Variants in MGST1 observed in about 807,000 individuals in gnomAD.
MGST1 encodes microsomal glutathione S-transferase 1.
MGST1 carries 5 observed loss-of-function variants against 8.9 expected under a neutral mutation model. The observed-to-expected ratio is 0.56, with a 90% CI of 0.29 to 1.19. The LOEUF (loss-of-function observed/expected upper bound fraction) is 1.19. Ranked by LOEUF, MGST1 falls within the 50% of genes most tolerant of loss-of-function variation. The probability of loss-of-function intolerance (pLI) is 0.08; values close to 1 mark genes in which losing one functional copy is unlikely to be tolerated. For missense variants in MGST1, 182 were observed against 187.4 expected (o/e 0.97, Z 0.17); for synonymous variants, 54 against 67.8 (o/e 0.80, Z 1.00).
intron 4 of MGST1, among the ~76,000 whole-genome samples, chr12:16,495,232 G>A (rs10846368): frequency 0.45 from 68,367 of 151,882 alleles, 16,841 homozygotes; most frequent in Non-Finnish European, 0.57. Flanking sequence ...ACCAAATGCT[G>A]TGTTTTCTCA....
At position 16,532,073 on chromosome 12, in the gene MGST1, G is replaced by A. The variant is rs569783096; in HGVS notation, n.483-57455G>A. ...CCAGGCAGTTACTCATGTCCAGGAG[G>A]AAACAGAAGTTCAAGGGCTATATCT... On this transcript the variant is annotated intron_variant and non_coding_transcript_variant, in intron 4 of 4. Transcript: ENST00000538857. 1.7e-4 allele frequency among the ~76,000 whole-genome samples: 26 copies of A among 152,282 alleles called. 1 individual carries two copies. In the South Asian group the frequency reaches 4.4e-3, roughly 25 times the overall value.
At chr12:16,448,864 G>A (rs1001492331) in intron 4 of MGST1, among the ~76,000 whole-genome samples, 3 of 151,910 alleles carry the variant, frequency 2.0e-5, no homozygotes, top group Non-Finnish European at 4.4e-5. Flanking sequence ...AAAGAGTGAA[G>A]TAGGAAACAT....
chr12:16,404,103 G>A (rs1290543592), intron 1 of MGST1, among the ~76,000 whole-genome samples: 5 of 152,094 alleles, frequency 3.3e-5, no homozygotes, highest in African/African-American at 1.2e-4. Context: ...TTTATGCCAT[G>A]CATTTTAAAG....
chr12:16,453,334 C>T (rs956928428), intron 4 of MGST1, among the ~76,000 whole-genome samples: 11 of 151,856 alleles, frequency 7.2e-5, no homozygotes, highest in African/African-American at 2.7e-4. Flanking sequence ...ATTCTCGATT[C>T]GAGACTCTAA....
chr12:16,492,764 T>C, intron 4 of MGST1, among the ~76,000 whole-genome samples: 1 of 152,078 alleles, frequency 6.6e-6, no homozygotes, highest in East Asian at 1.9e-4. Flanking sequence ...GGTCCCAAGG[T>C]TGGAGTCTGA....
intron 4 of MGST1, among the ~76,000 whole-genome samples, chr12:16,518,256 G>T (rs11056974): frequency 0.047 from 7,103 of 152,118 alleles, 429 homozygotes; most frequent in East Asian, 0.17. Flanking sequence ...ACTTATCAAG[G>T]TTGTCTCTGC....
At chr12:16,556,321 C>A (rs2137289276) in intron 4 of MGST1, among the ~76,000 whole-genome samples, 1 of 152,234 alleles carries the variant, frequency 6.6e-6, no homozygotes, top group South Asian at 2.1e-4. Context: ...GCTTAAATAA[C>A]CCTCCTGCGG....
chr12:16,438,668 C>T (rs916658444), exon 2 of MGST1: 5 of 151,844 alleles, frequency 3.3e-5, no homozygotes, highest in Admixed American at 1.3e-4. Context: ...GTTTCTGCTT[C>T]GTTTCCTTCT....
At chr12:16,487,131 G>A (rs991837510) in intron 4 of MGST1, among the ~76,000 whole-genome samples, 8 of 152,090 alleles carry the variant, frequency 5.3e-5, no homozygotes, top group Admixed American at 1.3e-4. Context: ...TTCAGGCCAC[G>A]TACTGCTCCT....
intron 4 of MGST1, among the ~76,000 whole-genome samples, chr12:16,454,767 T>C (rs1941157145): frequency 6.6e-6 from 1 of 150,942 alleles, no homozygotes; most frequent in Admixed American, 6.7e-5. Context: ...AGTAGAAATG[T>C]TCCTTGGGTA....
intron 1 of MGST1, among the ~76,000 whole-genome samples, chr12:16,397,321 A>C (rs1380753024): frequency 3.3e-5 from 5 of 152,304 alleles, no homozygotes; most frequent in Admixed American, 2.6e-4. Flanking sequence ...AAAGTATAAA[A>C]ATTTTTGAAG....
intron 4 of MGST1, among the ~76,000 whole-genome samples, chr12:16,506,858 G>T (rs140349713): frequency 0.019 from 2,943 of 152,268 alleles, 49 homozygotes; most frequent in Non-Finnish European, 0.033. Flanking sequence ...ATTAACGAAT[G>T]AATTAAACAA....
intron 4 of MGST1, among the ~76,000 whole-genome samples, chr12:16,479,258 G>A (rs1487573717): frequency 3.3e-5 from 1 of 30,160 alleles, no homozygotes; most frequent in Non-Finnish European, 9.7e-5. Context: ...TTTTTTTGAC[G>A]GAGTCTCGCT....
At chr12:16,354,965 T>C (rs1243143662) in intron 2 of MGST1, among the ~76,000 whole-genome samples, 1 of 151,796 alleles carries the variant, frequency 6.6e-6, no homozygotes, top group Admixed American at 6.6e-5. Context: ...GGGAGGGTGG[T>C]AGACAGATTC....
Position 16,429,794 on chromosome 12 carries a change from A to G in MGST1, n.779-7594A>G, listed in dbSNP as rs76742171. 4.9e-4 allele frequency among the ~76,000 whole-genome samples: 74 copies of G among 152,256 alleles called. No homozygotes were observed. In the East Asian group the frequency reaches 0.013, roughly 27 times the overall value. ...GTTGCTGGTGGATGGTTTTACTTCA[A>G]TGTTGATGGCTTCTGACTTATCAGG... On this transcript the variant is annotated intron_variant and non_coding_transcript_variant, in intron 1 of 1. Coordinates refer to the MGST1 transcript ENST00000359720.
At chr12:16,418,986 C>A (rs2137082022) in intron 1 of MGST1, among the ~76,000 whole-genome samples, 1 of 152,104 alleles carries the variant, frequency 6.6e-6, no homozygotes, top group South Asian at 2.1e-4. Flanking sequence ...GGAAGAAGAT[C>A]ATTATTGATG....
rs1365100730 is a variant in MGST1 at position 16,404,303 on chromosome 12, T to C, written n.778+20699T>C. ...ACTTGATATATTTTTTCCATTCTTTTACTTTCACCTTGTCTAAATCATTAT... is the reference window on the plus strand; with the variant it reads ...ACTTGATATATTTTTTCCATTCTTTCACTTTCACCTTGTCTAAATCATTAT... On this transcript the variant is annotated intron_variant and non_coding_transcript_variant, in intron 1 of 1. Coordinates refer to the MGST1 transcript ENST00000359720. 7.2e-5 allele frequency among the ~76,000 whole-genome samples: 11 copies of C among 152,278 alleles called. No homozygotes were observed. In the East Asian group the frequency reaches 2.1e-3, roughly 29 times the overall value.
At chr12:16,447,786 G>A (rs1941092314) in intron 4 of MGST1, among the ~76,000 whole-genome samples, 1 of 151,910 alleles carries the variant, frequency 6.6e-6, no homozygotes, top group Non-Finnish European at 1.5e-5. Context: ...CTTTTTCATG[G>A]GCTGTAGGCC....
chr12:16,479,878 G>A (rs772674511), intron 4 of MGST1, among the ~76,000 whole-genome samples: 2 of 152,030 alleles, frequency 1.3e-5, no homozygotes, highest in African/African-American at 2.4e-5. Context: ...AGAGTGGAGG[G>A]TACAGAGATT....
Sources: allele counts gnomAD v4.1 joint callset (sites outside exome capture counted in the v4.1 genomes callset), GRCh38; gene constraint gnomAD v4.1.1; transcripts MANE v1.5; gene names NCBI Gene and HGNC (gene_info 2026-07-23, HGNC 2026-07-21).